EPB41L3: variants seen among roughly 807,000 people sequenced by gnomAD.
EPB41L3 encodes the protein erythrocyte membrane protein band 4.1 like 3, also known as band 4.1-like protein 3.
Under a neutral mutation model 127.1 loss-of-function variants are expected in EPB41L3, and 57 were observed. That is an observed-to-expected ratio of 0.45 (90% CI 0.36 to 0.56). EPB41L3 has a LOEUF of 0.56. EPB41L3 is among the 20% of genes least tolerant of loss of function. EPB41L3 has a pLI of 0.00. For missense variants in EPB41L3, 1,273 were observed against 1,372.2 expected, an observed-to-expected ratio of 0.93 and a Z score of 1.14; for synonymous variants, 572 against 549.5, an observed-to-expected ratio of 1.04 and a Z score of -0.57.
intron 1 of EPB41L3, among the ~76,000 whole-genome samples, chr18:5,493,165 C>T (rs895103416): frequency 6.6e-6 from 1 of 152,140 alleles, no homozygotes; most frequent in Non-Finnish European, 1.5e-5. Context: ...AAATTAGTTT[C>T]TGTATTCAAA....
chr18:5,429,609 T>C (rs11876144), intron 8 of EPB41L3, among the ~76,000 whole-genome samples: 8,223 of 152,236 alleles, frequency 0.054, 289 homozygotes, highest in Middle Eastern at 0.096. Flanking sequence ...GAAATACATA[T>C]ACTGGTCCAT....
chr18:5,569,084 T>C (rs1404661367), intron 3 of EPB41L3, among the ~76,000 whole-genome samples: 1 of 152,242 alleles, frequency 6.6e-6, no homozygotes, highest in Non-Finnish European at 1.5e-5. Context: ...CCTAGCATTT[T>C]AGAACAATTT....
At chr18:5,554,207 T>G (rs1191394905) in intron 3 of EPB41L3, among the ~76,000 whole-genome samples, 1 of 152,210 alleles carries the variant, frequency 6.6e-6, no homozygotes, top group Non-Finnish European at 1.5e-5. Context: ...TATCATTTCC[T>G]TATTTATCAT....
At chr18:5,423,966 A>G (rs2077815416) in intron 10 of EPB41L3, among the ~76,000 whole-genome samples, 2 of 152,202 alleles carry the variant, frequency 1.3e-5, no homozygotes, top group African/African-American at 4.8e-5. Flanking sequence ...ATAGTAAGGA[A>G]TTGAAATAGT....
At chr18:5,508,984 A>G (rs1304934517) in intron 1 of EPB41L3, among the ~76,000 whole-genome samples, 2 of 152,104 alleles carry the variant, frequency 1.3e-5, no homozygotes, top group Admixed American at 1.3e-4. Context: ...TCTCTCATGG[A>G]AGTGTTACAA....
At chr18:5,498,955 A>G (rs2091470175) in intron 1 of EPB41L3, among the ~76,000 whole-genome samples, 1 of 152,178 alleles carries the variant, frequency 6.6e-6, no homozygotes, top group African/African-American at 2.4e-5. Context: ...TATCCTCCCT[A>G]ATGGTTCCCT....
chr18:5,622,058 A>G (rs1568661659), intron 1 of EPB41L3, among the ~76,000 whole-genome samples: 3 of 152,006 alleles, frequency 2.0e-5, no homozygotes, highest in Admixed American at 6.5e-5. Context: ...TGCTTTGGTT[A>G]CTTTTTTTTT....
At chr18:5,432,671 A>G (rs2079159507) in intron 8 of EPB41L3, among the ~76,000 whole-genome samples, 1 of 152,222 alleles carries the variant, frequency 6.6e-6, no homozygotes, top group African/African-American at 2.4e-5. Flanking sequence ...CGAAGATTCC[A>G]GGAAAAGCAT....
intron 3 of EPB41L3, among the ~76,000 whole-genome samples, chr18:5,600,763 C>T (rs2094582255): frequency 6.6e-6 from 1 of 152,138 alleles, no homozygotes; most frequent in Non-Finnish European, 1.5e-5. Context: ...ATACAGAGTA[C>T]CATTAACATT....
chr18:5,617,294 G>T (rs370443779), intron 1 of EPB41L3, among the ~76,000 whole-genome samples: 2 of 151,246 alleles, frequency 1.3e-5, no homozygotes, highest in East Asian at 3.9e-4. Context: ...TATTTGATTT[G>T]AGTTACAAGT....
At chr18:5,575,532 A>G (rs1027747891) in intron 3 of EPB41L3, among the ~76,000 whole-genome samples, 4 of 151,948 alleles carry the variant, frequency 2.6e-5, no homozygotes, top group African/African-American at 9.7e-5. Flanking sequence ...CTGAGGCCTC[A>G]CCAGAAGAAA....
chr18:5,407,732 T>C lies in EPB41L3; in HGVS notation c.2126A>G (p.Asp709Gly), dbSNP rs2075644437. 1 of 1,614,048 alleles carries C rather than the reference T, an allele frequency of 6.2e-7. No homozygotes were observed. The highest frequency in any genetic ancestry group is 2.2e-5 in the East Asian group (1 of 44,880). Residue 709 changes from aspartate (D) to glycine (G), a missense_variant, in exon 15 of 23, where the codon GAC becomes GGC. Physicochemically the swap from Asp to Gly is moderately conservative, Grantham distance 94 (BLOSUM62 -1). This residue lies in a region of EPB41L3 where 765 missense variants were observed against 782.9 expected (regional missense o/e 0.98). Transcript: ENST00000341928. ...ADGETTATESDQEEDAELKAQ... is the reference protein window; with the variant it reads ...ADGETTATESGQEEDAELKAQ... ...CTTGAGCTCTGCATCTTCCTCCTGG[T>C]CCGACTGCCAGCATCAAGAAAGAGT...
intron 3 of EPB41L3, among the ~76,000 whole-genome samples, chr18:5,598,622 A>G (rs183043809): frequency 6.6e-6 from 1 of 152,348 alleles, no homozygotes; most frequent in Admixed American, 6.5e-5. Flanking sequence ...CATATTAGAT[A>G]ATACAGTATT....
chr18:5,502,212 C>T (rs1003848941), intron 1 of EPB41L3, among the ~76,000 whole-genome samples: 1 of 152,150 alleles, frequency 6.6e-6, no homozygotes, highest in Non-Finnish European at 1.5e-5. Flanking sequence ...AATTCTTTGT[C>T]TCCATTGGGC....
upstream of EPB41L3, among the ~76,000 whole-genome samples, chr18:5,548,249 T>G (rs1305199539): frequency 6.6e-6 from 1 of 152,236 alleles, no homozygotes; most frequent in Non-Finnish European, 1.5e-5. Flanking sequence ...CTTATTCTTC[T>G]GAAATAAAAA....
At chr18:5,561,006 C>T (rs1845378647) in intron 3 of EPB41L3, among the ~76,000 whole-genome samples, 1 of 130,106 alleles carries the variant, frequency 7.7e-6, no homozygotes, top group Admixed American at 7.6e-5. Flanking sequence ...GAGATGGAGT[C>T]TCGCTCTGTC....
intron 1 of EPB41L3, among the ~76,000 whole-genome samples, chr18:5,538,224 G>A (rs1034537698): frequency 6.6e-6 from 1 of 152,162 alleles, no homozygotes; most frequent in African/African-American, 2.4e-5. Context: ...CAAATTGCAC[G>A]TCAACTAAGA....
Position 5,423,425 on chromosome 18 carries a change from T to G in EPB41L3, c.1292A>C (p.Glu431Ala), listed in dbSNP as rs1225912222. The G allele has an allele frequency of 6.2e-7, 1 of 1,613,130 alleles. No homozygotes were observed. The highest frequency in any genetic ancestry group is 1.3e-5 in the African/African-American group (1 of 74,918). Residue 431 changes from glutamate to alanine, a missense_variant, in exon 11 of 23, where the codon GAA (glutamate) becomes GCA (alanine). Transcript: ENST00000341928. Reference protein sequence around the residue: ...ALIDRPAPYFERSSSKRYTMS... With the variant: ...ALIDRPAPYFARSSSKRYTMS... ...GGTATAACGTTTGCTGGATGAGCGTTCAAAGTAAGGTGCTGGGCGATCTAT... is the reference window on the plus strand; with the variant it reads ...GGTATAACGTTTGCTGGATGAGCGTGCAAAGTAAGGTGCTGGGCGATCTAT...
At chr18:5,414,675 C>T (rs2076579181) in intron 13 of EPB41L3, among the ~76,000 whole-genome samples, 1 of 152,100 alleles carries the variant, frequency 6.6e-6, no homozygotes, top group Non-Finnish European at 1.5e-5. Context: ...TGCAGGGAGC[C>T]TGGGGAGAGG....
Sources: allele counts gnomAD v4.1 joint callset (sites outside exome capture counted in the v4.1 genomes callset), GRCh38; gene constraint gnomAD v4.1.1; regional missense constraint gnomAD v4.1.1; transcripts MANE v1.5; gene names NCBI Gene and HGNC (gene_info 2026-07-23, HGNC 2026-07-21).